Variants in RIPOR2 observed in about 807,000 individuals in gnomAD.
RIPOR2 encodes the protein RHO family interacting cell polarization regulator 2.
A neutral mutation model predicts 114.5 loss-of-function variants in RIPOR2; 39 were observed. The ratio of observed to expected loss-of-function variants is 0.34; its 90% CI spans 0.26 to 0.44. RIPOR2 has a LOEUF of 0.44. Among genes scored for constraint, RIPOR2 ranks in the 20% least tolerant of loss-of-function variants. The pLI is 1.00. For missense variants in RIPOR2, 1,007 were observed against 1,255.1 expected, an observed-to-expected ratio of 0.80 and a Z score of 2.99; for synonymous variants, 445 against 484.4, an observed-to-expected ratio of 0.92 and a Z score of 1.07.
Position 24,945,779 on chromosome 6 carries a change from A to C in RIPOR2, c.77-69962T>G, listed in dbSNP as rs1169874601. 3.3e-5 allele frequency among the ~76,000 whole-genome samples: 5 copies of C among 152,338 alleles called. No homozygotes were observed. The South Asian group carries it at 1.0e-3, about 32-fold the overall frequency. ...AGTAAAAGAACCAATAGAAAAATTC[A>C]AATTATAAACTAGAAAAATATCAAT... On this transcript the variant is annotated intron_variant, in intron 1 of 13. Coordinates refer to the RIPOR2 transcript ENST00000510784.
At chr6:24,958,081 C>A (rs891544295) in intron 1 of RIPOR2, among the ~76,000 whole-genome samples, 1 of 151,758 alleles carries the variant, frequency 6.6e-6, no homozygotes, top group African/African-American at 2.4e-5. Context: ...AAAATATACA[C>A]AAAGATGTGT....
chr6:24,908,553 T>C (rs146723812), intron 1 of RIPOR2, among the ~76,000 whole-genome samples: 1 of 152,214 alleles, frequency 6.6e-6, no homozygotes, highest in East Asian at 1.9e-4. Flanking sequence ...GGGCATGTAG[T>C]TGGTATCACA....
At chr6:24,891,740 TAACTCCTGTAATCACACC>T (rs140984072) in intron 1 of RIPOR2, among the ~76,000 whole-genome samples, 5,640 of 152,292 alleles carry the variant, frequency 0.037, 288 homozygotes, top group African/African-American at 0.11. Flanking sequence ...GAGGCCCACG[TAACTCCTGTAATCACACC>T]AAGCTCTCAC....
rs1404345737 is a variant in RIPOR2 at position 24,964,525 on chromosome 6, G to A, written c.76+77326C>T. 2.6e-5 allele frequency among the ~76,000 whole-genome samples: 4 copies of A among 152,104 alleles called. No individual in the cohort carries two copies. The East Asian group carries it at 7.7e-4, about 29-fold the overall frequency. ...TATGGCTGGATATATACCATAGTTTGTTTAGCAATTCCCCTACTGGGAGAC... is the reference window on the plus strand; with the variant it reads ...TATGGCTGGATATATACCATAGTTTATTTAGCAATTCCCCTACTGGGAGAC... On this transcript the variant is annotated intron_variant, in intron 1 of 13. Coordinates refer to the RIPOR2 transcript ENST00000510784.
In RIPOR2 at chr6:25,002,058, G is replaced by A. The variant is rs75694957; in HGVS notation, c.76+39793C>T. Reference sequence around the variant, plus strand: ...ACTATTCAGCTCTACCATTGTAGTTGAAAACAGGCATAGACAAATTATTAG... The same window carrying A: ...ACTATTCAGCTCTACCATTGTAGTTAAAAACAGGCATAGACAAATTATTAG... On this transcript the variant is annotated intron_variant, in intron 1 of 13. Coordinates refer to the RIPOR2 transcript ENST00000510784. 6.7e-3 allele frequency among the ~76,000 whole-genome samples: 1,025 copies of A among 152,212 alleles called. 15 individuals carry two copies. Among genetic ancestry groups the A allele is most frequent in the African/African-American group, 0.021 (880 of 41,516 alleles).
At chr6:24,947,373 G>A (rs934536669) in intron 1 of RIPOR2, among the ~76,000 whole-genome samples, 7 of 152,132 alleles carry the variant, frequency 4.6e-5, no homozygotes, top group African/African-American at 9.7e-5. Flanking sequence ...AAGAATTATC[G>A]AGTAAGAAAT....
At chr6:25,000,660 C>T (rs1292341821) in intron 1 of RIPOR2, among the ~76,000 whole-genome samples, 14 of 151,264 alleles carry the variant, frequency 9.3e-5, no homozygotes, top group South Asian at 2.1e-4. Flanking sequence ...TTTTTCTTCC[C>T]GTGCTGGCTT....
intron 1 of RIPOR2, among the ~76,000 whole-genome samples, chr6:24,991,294 C>G (rs1177062986): frequency 6.6e-6 from 1 of 152,192 alleles, no homozygotes; most frequent in Non-Finnish European, 1.5e-5. Context: ...TACTTGCTTT[C>G]TATCTTACAT....
At chr6:24,936,529 G>A (rs925338609), upstream of RIPOR2, among the ~76,000 whole-genome samples, 1 of 151,926 alleles carries the variant, frequency 6.6e-6, no homozygotes, top group East Asian at 1.9e-4. Flanking sequence ...TATGTGGCTC[G>A]ATTAAATCTA....
chr6:24,828,359 C>CATTA (rs2113673969), intron 17 of RIPOR2, 64 bp from the exon 18 acceptor site: 1 of 1,188,250 alleles, frequency 8.4e-7, no homozygotes, highest in South Asian at 2.0e-5. Flanking sequence ...TTCATTCATT[C>CATTA]AATAATTTTT....
intron 1 of RIPOR2, among the ~76,000 whole-genome samples, chr6:24,890,735 G>T (rs946897288): frequency 6.6e-6 from 1 of 151,170 alleles, no homozygotes; most frequent in African/African-American, 2.4e-5. Flanking sequence ...GCTCACTAAA[G>T]CCTGGAACTC....
intron 1 of RIPOR2, among the ~76,000 whole-genome samples, chr6:24,914,137 C>G (rs908400060): frequency 6.6e-6 from 1 of 152,106 alleles, no homozygotes; most frequent in Non-Finnish European, 1.5e-5. Flanking sequence ...GAGTTTGAGA[C>G]CAGCCTGGCC....
intron 1 of RIPOR2, among the ~76,000 whole-genome samples, chr6:24,971,975 G>A (rs75202407): frequency 0.026 from 3,924 of 152,106 alleles, 85 homozygotes; most frequent in Non-Finnish European, 0.04. Context: ...TAGAGCTTTC[G>A]ACATATTATT....
rs182635955 is a variant in RIPOR2, at chr6:24,955,674, C to T, written c.77-79857G>A. On this transcript the variant is annotated intron_variant, in intron 1 of 13. Coordinates refer to the RIPOR2 transcript ENST00000510784. ...ATAGTTGAAAACCTATCTCTTACTC[C>T]GTCTAAGGTCCATGCTGCTCCTTCA... Among the ~76,000 whole-genome samples, 8 of 148,034 alleles carry T rather than the reference C, an allele frequency of 5.4e-5. No homozygotes were observed. The East Asian group carries it at 9.9e-4, about 18-fold the overall frequency.
intron 1 of RIPOR2, among the ~76,000 whole-genome samples, chr6:25,034,199 G>A (rs1229600076): frequency 6.6e-6 from 1 of 150,942 alleles, no homozygotes; most frequent in Non-Finnish European, 1.5e-5. Flanking sequence ...GTATGTTTCT[G>A]TATTGTTTGA....
Position 24,862,427 on chromosome 6 carries a change from C to A in RIPOR2, c.652-1391G>T, listed in dbSNP as rs139504594. ...CCATTTGAATTCTGTATGCTGAGGA[C>A]CTCAGCCTAGAGGTTCTGATTCTTC... On this transcript the variant is annotated intron_variant, in intron 7 of 21. Coordinates refer to ENST00000643898, the MANE Select transcript of RIPOR2 (RefSeq NM_001286445.3). 6.1e-3 allele frequency among the ~76,000 whole-genome samples: 923 copies of A among 152,244 alleles called. 4 individuals are homozygous for A. Among genetic ancestry groups the A allele is most frequent in the Non-Finnish European group, 9.8e-3 (668 of 68,022 alleles).
intron 6 of RIPOR2, among the ~76,000 whole-genome samples, chr6:24,867,924 T>C (rs188958331): frequency 6.6e-6 from 1 of 152,362 alleles, no homozygotes; most frequent in Admixed American, 6.5e-5. Context: ...GGGATTGTTG[T>C]ATCTAACAAC....
At chr6:25,019,855 C>T (rs1274600556) in intron 1 of RIPOR2, among the ~76,000 whole-genome samples, 2 of 148,136 alleles carry the variant, frequency 1.4e-5, no homozygotes, top group African/African-American at 5.0e-5. Flanking sequence ...TGATAATATA[C>T]TGTAGCTACC....
intron 1 of RIPOR2, among the ~76,000 whole-genome samples, chr6:25,017,565 C>T (rs1267663029): frequency 6.6e-6 from 1 of 152,216 alleles, no homozygotes; most frequent in African/African-American, 2.4e-5. Flanking sequence ...CAAAGTCCTT[C>T]CGGCCCTCTG....
Sources: gnomAD v4.1 joint callset for allele counts (sites outside exome capture counted in the v4.1 genomes callset) on GRCh38, gnomAD v4.1.1 for gene constraint, MANE v1.5 for transcripts, NCBI Gene and HGNC (gene_info 2026-07-23, HGNC 2026-07-21) for gene names.